The following ADGRL4 variants were observed in gnomAD, a reference collection of about 807,000 sequenced individuals.
ADGRL4 encodes the protein adhesion G protein-coupled receptor L4.
Under a neutral mutation model 74.8 loss-of-function variants are expected in ADGRL4, and 90 were observed. The ratio of observed to expected loss-of-function variants is 1.20; its 90% CI spans 1.02 to 1.43. The LOEUF (loss-of-function observed/expected upper bound fraction) is 1.43. Among genes scored for constraint, ADGRL4 ranks in the 40% most tolerant of loss-of-function variants. ADGRL4 has a pLI of 0.00. For synonymous variants in ADGRL4, 311 were observed against 279.2 expected (o/e 1.11, Z -1.14); for missense variants, 881 against 814.3 (o/e 1.08, Z -1.00).
rs77988796 is a variant in ADGRL4, at chr1:78,925,418, T to TA, written c.1083+1467dup. On this transcript the variant is annotated intron_variant, in intron 8 of 14. Coordinates refer to ENST00000370742, the MANE Select transcript of ADGRL4 (RefSeq NM_022159.4). Reference sequence around the variant, plus strand: ...TAAGCACTATGTAATTATTGATTGCTATGAGAATGGTTAATACTACTATAA... The same window carrying TA: ...TAAGCACTATGTAATTATTGATTGCTAATGAGAATGGTTAATACTACTATAA... Among the ~76,000 whole-genome samples, 120 of 152,200 alleles carry TA rather than the reference T, an allele frequency of 7.9e-4. 2 individuals carry two copies. In the East Asian group the frequency reaches 0.021, roughly 27 times the overall value.
chr1:78,909,541 C>T (rs149281061), intron 12 of ADGRL4, among the ~76,000 whole-genome samples: 1 of 151,848 alleles, frequency 6.6e-6, no homozygotes, highest in African/African-American at 2.4e-5. Flanking sequence ...AAGATTTGAT[C>T]CAACGTGTCA....
In ADGRL4 at chr1:78,921,717, A is replaced by G. The variant is rs1319618057; in HGVS notation, c.1153T>C (p.Ser385Pro). The change falls in exon 9 of 15, where the codon TCT becomes CCT. Residue 385 changes from serine to proline, a missense_variant. By Grantham distance (74) the Ser-to-Pro change is moderately conservative. Transcript: ENST00000370742. The part of the protein sequence containing the change: ...YSPDTMNGSW[S>P]SEGCELTYSN... ...TATGTCAGCTCACAGCCCTCTGAAG[A>G]CCAGCTGCCATTCATGGTATCAGGT... is the stretch of plus-strand genomic sequence containing the variant. The G allele has an allele frequency of 1.2e-6, 2 of 1,604,252 alleles. No individual in the cohort carries two copies. The highest frequency in any genetic ancestry group is 1.7e-6 in the Non-Finnish European group (2 of 1,174,950).
intron 3 of ADGRL4, among the ~76,000 whole-genome samples, chr1:78,941,808 C>A (rs1394529664): frequency 1.3e-5 from 2 of 152,156 alleles, no homozygotes; most frequent in African/African-American, 4.8e-5. Flanking sequence ...CTCTTTCCTG[C>A]AGGAAAAGTC....
chr1:78,917,394 A>G (rs1181750361), intron 12 of ADGRL4, among the ~76,000 whole-genome samples: 11 of 150,842 alleles, frequency 7.3e-5, no homozygotes, highest in Admixed American at 7.3e-4. Context: ...TTTTATATTT[A>G]AAAAGTATTA....
intron 12 of ADGRL4, among the ~76,000 whole-genome samples, chr1:78,894,584 G>A (rs1239341938): frequency 6.6e-6 from 1 of 151,674 alleles, no homozygotes; most frequent in African/African-American, 2.4e-5. Flanking sequence ...GGAATACTTA[G>A]TATTTTCTAG....
intron 2 of ADGRL4, among the ~76,000 whole-genome samples, chr1:78,999,761 C>T (rs1279309202): frequency 6.6e-6 from 1 of 151,946 alleles, no homozygotes; most frequent in Non-Finnish European, 1.5e-5. Flanking sequence ...ATCACTAATG[C>T]ATATTATATG....
chr1:78,956,347 T>G (rs973787213), intron 2 of ADGRL4, among the ~76,000 whole-genome samples: 1 of 152,190 alleles, frequency 6.6e-6, no homozygotes, highest in Non-Finnish European at 1.5e-5. Context: ...TTATGTCAAC[T>G]GCACCTAGCC....
intron 2 of ADGRL4, among the ~76,000 whole-genome samples, chr1:78,980,376 CATATA>C (rs1650374171): frequency 6.6e-6 from 1 of 151,748 alleles, no homozygotes; most frequent in African/African-American, 2.4e-5. Flanking sequence ...TAAGAATAAG[CATATA>C]ATATAAATAT....
Position 78,955,372 on chromosome 1 carries a change from TTTTAAC to T in ADGRL4, c.173-8952_173-8947del, listed in dbSNP as rs374118742. ...ACATAAATGTTAAACTTAAAATTGT[TTTTAAC>T]TTTATTTGTGGCATAGTTTGTTTTA... On this transcript the variant is annotated intron_variant, in intron 2 of 14. Transcript: ENST00000370742. 2.2e-3 allele frequency among the ~76,000 whole-genome samples: 335 copies of T among 152,226 alleles called. 2 individuals carry two copies. Among genetic ancestry groups the T allele is most frequent in the African/African-American group, 7.7e-3 (319 of 41,572 alleles).
intron 1 of ADGRL4, among the ~76,000 whole-genome samples, chr1:79,006,368 G>C (rs562531783): frequency 1.8e-4 from 27 of 152,212 alleles, no homozygotes; most frequent in Non-Finnish European, 2.5e-4. Context: ...AAATTTCTTC[G>C]GGGCAGAACA....
At chr1:78,952,492 C>A (rs11812069) in intron 2 of ADGRL4, among the ~76,000 whole-genome samples, 3 of 151,228 alleles carry the variant, frequency 2.0e-5, no homozygotes, top group African/African-American at 7.3e-5. Flanking sequence ...TGTATTTATT[C>A]TGTGAATACC....
chr1:78,980,144 C>T (rs745941269), intron 2 of ADGRL4, among the ~76,000 whole-genome samples: 2 of 151,780 alleles, frequency 1.3e-5, no homozygotes, highest in Non-Finnish European at 2.9e-5. Flanking sequence ...TGCACTCACA[C>T]GCAGATAAGA....
intron 2 of ADGRL4, among the ~76,000 whole-genome samples, chr1:78,995,166 T>C (rs939583488): frequency 1.3e-5 from 2 of 152,182 alleles, no homozygotes; most frequent in Non-Finnish European, 2.9e-5. Flanking sequence ...ATAAAAATCA[T>C]GGATGTAACA....
At chr1:78,971,555 G>C (rs969799687) in intron 2 of ADGRL4, among the ~76,000 whole-genome samples, 14 of 152,074 alleles carry the variant, frequency 9.2e-5, no homozygotes, top group Non-Finnish European at 2.1e-4. Flanking sequence ...GCAGGACTCT[G>C]GTTTTGTAGA....
chr1:79,003,642 T>C (rs1650887586), intron 2 of ADGRL4, among the ~76,000 whole-genome samples: 1 of 152,064 alleles, frequency 6.6e-6, no homozygotes, highest in African/African-American at 2.4e-5. Context: ...ATAAGCTGGT[T>C]GGCTGCTAAA....
intron 10 of ADGRL4, among the ~76,000 whole-genome samples, chr1:78,918,516 A>G (rs1297323725): frequency 1.3e-5 from 2 of 151,930 alleles, no homozygotes; most frequent in Non-Finnish European, 1.5e-5. Context: ...AAATTTACAA[A>G]GTAGATTAAT....
intron 12 of ADGRL4, among the ~76,000 whole-genome samples, chr1:78,906,777 G>T (rs763542904): frequency 1.3e-5 from 2 of 151,872 alleles, no homozygotes; most frequent in African/African-American, 4.8e-5. Context: ...TATATAAGTT[G>T]CTCGCTGAGA....
At chr1:78,996,735 T>C (rs1389342862) in intron 2 of ADGRL4, among the ~76,000 whole-genome samples, 1 of 152,226 alleles carries the variant, frequency 6.6e-6, no homozygotes, top group African/African-American at 2.4e-5. Context: ...TCTTCGCTTT[T>C]TAGCTCTACA....
Position 78,961,620 on chromosome 1 carries a change from T to C in ADGRL4, c.173-15194A>G, listed in dbSNP as rs555717408. 2.0e-5 allele frequency among the ~76,000 whole-genome samples: 3 copies of C among 152,270 alleles called. No homozygotes were observed. The East Asian group carries it at 5.8e-4, about 29-fold the overall frequency. ...GATGCCATTTGATAATGACCTACTG[T>C]CTGCCAGGTGTCAGACAATATTTTT... is the stretch of plus-strand genomic sequence containing the variant. On this transcript the variant is annotated intron_variant, in intron 2 of 14. Coordinates refer to ENST00000370742, the MANE Select transcript of ADGRL4 (RefSeq NM_022159.4).
Sources: allele counts gnomAD v4.1 joint callset (sites outside exome capture counted in the v4.1 genomes callset), GRCh38; gene constraint gnomAD v4.1.1; transcripts MANE v1.5; gene names NCBI Gene and HGNC (gene_info 2026-07-23, HGNC 2026-07-21).